Variants in CAMSAP1 observed in about 807,000 individuals in gnomAD.
CAMSAP1 encodes the protein calmodulin-regulated spectrin-associated protein 1.
In CAMSAP1, 58 loss-of-function variants were observed where a neutral mutation model predicts 143.5. That is an observed-to-expected ratio of 0.40 (90% CI 0.33 to 0.50). The LOEUF (loss-of-function observed/expected upper bound fraction) is 0.50. Ranked by LOEUF, CAMSAP1 falls within the 20% of genes least tolerant of loss-of-function variation. The pLI, the probability that CAMSAP1 is intolerant of heterozygous loss-of-function variation, is 0.45. For synonymous variants in CAMSAP1, 945 were observed against 859.3 expected (o/e 1.10, Z -1.74); for missense variants, 1,969 against 2,115.7 (o/e 0.93, Z 1.36).
At chr9:135,904,535 T>C (rs1443841571) in intron 1 of CAMSAP1, among the ~76,000 whole-genome samples, 2 of 151,538 alleles carry the variant, frequency 1.3e-5, no homozygotes, top group Non-Finnish European at 2.9e-5. Flanking sequence ...CCTCAAGTGA[T>C]CATCCTACCT....
chr9:135,881,227 C>T (rs1384809283), intron 3 of CAMSAP1, among the ~76,000 whole-genome samples: 1 of 151,938 alleles, frequency 6.6e-6, no homozygotes. Context: ...CATAGTAGCA[C>T]GTGCCTGTGA....
chr9:135,884,120 G>A (rs757594135), intron 1 of CAMSAP1, among the ~76,000 whole-genome samples: 9 of 152,072 alleles, frequency 5.9e-5, no homozygotes, highest in Non-Finnish European at 8.8e-5. Context: ...TGTGCCCCGC[G>A]CCCAACACTC....
chr9:135,821,810 C>T lies in CAMSAP1; in HGVS notation c.2851G>A (p.Val951Ile). ...QHNGEDCGDA[V>I]SKTEDFLVKE... ...ACGAGAAAGTCTTCGGTTTTGGAAACAGCGTCCCCACAGTCCTCCCCGTTG... is the reference window on the plus strand; with the variant it reads ...ACGAGAAAGTCTTCGGTTTTGGAAATAGCGTCCCCACAGTCCTCCCCGTTG... The change falls in exon 11 of 17, where the codon GTT (valine) becomes ATT (isoleucine). Residue 951 changes from valine (V) to isoleucine (I), a missense_variant. Transcript: ENST00000389532. The surrounding 1 kb of genome is among the most constrained non-coding windows in gnomAD (Gnocchi z 4.6). The T allele has an allele frequency of 1.2e-6, 2 of 1,614,034 alleles. No individual in the cohort carries two copies. Among genetic ancestry groups the T allele is most frequent in the Non-Finnish European group, 1.7e-6 (2 of 1,179,898 alleles).
At position 135,822,249 on chromosome 9, in the gene CAMSAP1, A is replaced by G. The variant is rs1335435646; in HGVS notation, c.2412T>C (p.Ser804=). ...PCLSTASQMS[S]VSMASGSVKM... is the part of the protein sequence containing the mutation. ...TCACGCTCCCACTCGCCATGGAGACACTGCTCATCTGAGAGGCTGTGCTCA... is the reference window on the plus strand; with the variant it reads ...TCACGCTCCCACTCGCCATGGAGACGCTGCTCATCTGAGAGGCTGTGCTCA... The change falls in exon 11 of 17, where the codon AGT becomes AGC. Residue 804 remains serine (S), a synonymous_variant. Coordinates refer to ENST00000389532, the MANE Select transcript of CAMSAP1 (RefSeq NM_015447.4). The surrounding 1 kb of genome is among the most constrained non-coding windows in gnomAD (Gnocchi z 6.1). 1.9e-6 allele frequency: 3 copies of G among 1,614,012 alleles called. No individual in the cohort carries two copies. Among genetic ancestry groups the G allele is most frequent in the Non-Finnish European group, 2.5e-6 (3 of 1,179,902 alleles).
chr9:135,886,780 G>A (rs978356071), intron 1 of CAMSAP1, among the ~76,000 whole-genome samples: 1 of 152,258 alleles, frequency 6.6e-6, no homozygotes, highest in East Asian at 1.9e-4. Context: ...CGCCAGGAGA[G>A]ACAATGGAGG....
intron 7 of CAMSAP1, among the ~76,000 whole-genome samples, chr9:135,849,066 C>A (rs1225708027): frequency 6.6e-6 from 1 of 152,242 alleles, no homozygotes; most frequent in African/African-American, 2.4e-5. Flanking sequence ...CCTCAGCTTA[C>A]AATGGGGTCA....
In CAMSAP1 at chr9:135,823,190, C is replaced by T. The variant is rs141124249; in HGVS notation, c.1471G>A (p.Asp491Asn). The T allele has an allele frequency of 6.9e-6, 11 of 1,594,878 alleles. No homozygotes were observed. The highest frequency in any genetic ancestry group is 6.7e-5 in the African/African-American group (5 of 74,486). ...ATGGAGCGGGCCAAGCTGATGCTGT[C>T]GCCAGAGCTGGGATCCACTTCACAA... ...ASCEVDPSSG[D>N]SISLARSISK... Residue 491 changes from aspartate to asparagine, a missense_variant, in exon 11 of 17, where the codon GAC becomes AAC. Asp to Asn is a conservative substitution (Grantham distance 23, BLOSUM62 1). This residue lies in a region of CAMSAP1 where 1,390 missense variants were observed against 1,420.8 expected (regional missense o/e 0.98). Transcript: ENST00000389532.
chr9:135,834,585 G>A (rs1209113390), intron 7 of CAMSAP1, among the ~76,000 whole-genome samples: 6 of 152,162 alleles, frequency 3.9e-5, no homozygotes. Context: ...ACTTGTATGT[G>A]GAATCTAAAA....
chr9:135,857,080 A>T lies in CAMSAP1; in HGVS notation c.808+5387T>A, dbSNP rs543872144. ...CTTGGTCTCTCCACAGTTATTTGGG[A>T]TCTCCTCTTTCCCAGGGGTTCCGGA... On this transcript the variant is annotated intron_variant, in intron 5 of 16. Coordinates refer to ENST00000389532, the MANE Select transcript of CAMSAP1 (RefSeq NM_015447.4). 4.6e-5 allele frequency among the ~76,000 whole-genome samples: 7 copies of T among 152,046 alleles called. No homozygotes were observed. In the South Asian group the frequency reaches 8.3e-4, roughly 18 times the overall value.
chr9:135,891,591 G>A (rs1481913818), intron 1 of CAMSAP1, among the ~76,000 whole-genome samples: 2 of 152,150 alleles, frequency 1.3e-5, no homozygotes, highest in African/African-American at 4.8e-5. Flanking sequence ...GTTATCCAAA[G>A]GACTTTAACA....
Position 135,811,687 on chromosome 9 carries a change from C to G in CAMSAP1, c.4507-76G>C. 7.1e-7 allele frequency: 1 copy of G among 1,417,686 alleles called. No individual in the cohort carries two copies. The highest frequency in any genetic ancestry group is 9.6e-7 in the Non-Finnish European group (1 of 1,041,082). 87.8% of individuals were successfully genotyped at this position (1,417,686 alleles called of 1,614,324 possible). A position where few individuals can be genotyped will look rare whatever the true frequency, so the allele number is the denominator to read the frequency against. The stretch of plus-strand genomic sequence containing the variant: ...ATTGCCACGAGTTGGGCTCCCACAG[C>G]GGCTCAACCAGCACCGCTCCGTGGG... On this transcript the variant is annotated intron_variant, in intron 16 of 16. Coordinates refer to ENST00000389532, the MANE Select transcript of CAMSAP1 (RefSeq NM_015447.4). The surrounding 1 kb of genome is among the most constrained non-coding windows in gnomAD (Gnocchi z 4.9).
chr9:135,865,887 C>T (rs937079978), intron 4 of CAMSAP1, among the ~76,000 whole-genome samples: 1 of 152,220 alleles, frequency 6.6e-6, no homozygotes, highest in East Asian at 1.9e-4. Context: ...GATGGTCGGG[C>T]TGCATCTTGT....
chr9:135,832,392 G>A (rs2891693), intron 7 of CAMSAP1, among the ~76,000 whole-genome samples: 52,982 of 151,880 alleles, frequency 0.35, 10,830 homozygotes, highest in African/African-American at 0.58. Flanking sequence ...ACTCTACACA[G>A]AACAGGTATA....
intron 1 of CAMSAP1, among the ~76,000 whole-genome samples, chr9:135,900,373 G>A (rs1277459851): frequency 6.6e-6 from 1 of 151,948 alleles, no homozygotes; most frequent in African/African-American, 2.4e-5. Flanking sequence ...GATGGGACGA[G>A]AGTGACTGGG....
rs1204753358 is a variant in CAMSAP1 at position 135,809,149 on chromosome 9, A to G, written c.*2160T>C. ...GCCCAAAAGCACCACCACGAAAATT[A>G]ATCCTGTGTCTGAAACTTTTCAAGA... is the stretch of plus-strand genomic sequence containing the variant. On this transcript the variant is annotated 3_prime_UTR_variant, in exon 17 of 17. Transcript: ENST00000389532. 6.6e-6 allele frequency: 1 copy of G among 152,184 alleles called. No homozygotes were observed. Among genetic ancestry groups the G allele is most frequent in the Non-Finnish European group, 1.5e-5 (1 of 68,032 alleles). The allele number at this position is 152,184 out of a possible 1,614,324, so 9.4% of individuals were successfully genotyped here. A position where few individuals can be genotyped will look rare whatever the true frequency, so the allele number is the denominator to read the frequency against.
rs1167307021 is a variant in CAMSAP1 at position 135,881,733 on chromosome 9, A to G, written c.485T>C (p.Ile162Thr). The G allele has an allele frequency of 6.4e-7, 1 of 1,551,834 alleles. No homozygotes were observed. The highest frequency in any genetic ancestry group is 2.0e-5 in the Admixed American group (1 of 50,998). ...MMAYTVEMISIEKVVASVKRF... is the reference protein window; with the variant it reads ...MMAYTVEMISTEKVVASVKRF... ...CTTGACACTGGCCACCACCTTCTCG[A>G]TGCTGATCATCTCCACAGTGTAGGC... Residue 162 changes from isoleucine to threonine, a missense_variant, in exon 3 of 17, where the codon ATC becomes ACC. Coordinates refer to ENST00000389532, the MANE Select transcript of CAMSAP1 (RefSeq NM_015447.4).
intron 7 of CAMSAP1, among the ~76,000 whole-genome samples, chr9:135,840,555 G>A (rs983049435): frequency 3.3e-5 from 5 of 152,188 alleles, no homozygotes; most frequent in Non-Finnish European, 7.3e-5. Flanking sequence ...ATCATGAAAA[G>A]GGTGAAGAAA....
intron 3 of CAMSAP1, among the ~76,000 whole-genome samples, chr9:135,868,544 T>G (rs929495763): frequency 7.2e-5 from 11 of 151,964 alleles, no homozygotes; most frequent in African/African-American, 2.7e-4. Flanking sequence ...TTTGGAAAAC[T>G]TGTTTCTGCC....
In CAMSAP1 at chr9:135,820,928, C is replaced by G. The variant is rs780360172; in HGVS notation, c.3733G>C (p.Asp1245His). The G allele has an allele frequency of 6.2e-7, 1 of 1,613,684 alleles. No individual in the cohort carries two copies. Among genetic ancestry groups the G allele is most frequent in the Admixed American group, 1.7e-5 (1 of 60,006 alleles). ...AGGCTTACCAGCTCCCCATCCTCGT[C>G]GGGGGCCTTCAGGTCGGAGAGGTCC... Reference protein sequence around the residue: ...EVDLSDLKAPDEDGELVSLDG... With the variant: ...EVDLSDLKAPHEDGELVSLDG... Residue 1245 changes from aspartate to histidine, a missense_variant, in exon 11 of 17, where the codon GAC becomes CAC. By Grantham distance (81) the Asp-to-His change is moderately conservative (BLOSUM62 -1). Coordinates refer to ENST00000389532, the MANE Select transcript of CAMSAP1 (RefSeq NM_015447.4). The surrounding 1 kb of genome is among the most constrained non-coding windows in gnomAD (Gnocchi z 4.4).
Sources: allele counts gnomAD v4.1 joint callset (sites outside exome capture counted in the v4.1 genomes callset), GRCh38; gene constraint gnomAD v4.1.1; regional missense constraint gnomAD v4.1.1; non-coding constraint Gnocchi (gnomAD v3.1); transcripts MANE v1.5; gene names NCBI Gene and HGNC (gene_info 2026-07-23, HGNC 2026-07-21).